Variants in UNC13C observed in about 807,000 individuals in gnomAD.
The protein encoded by UNC13C is unc-13 homolog C.
UNC13C carries 174 observed loss-of-function variants against 245.4 expected under a neutral mutation model. The observed-to-expected ratio is 0.71, with a 90% CI of 0.63 to 0.80. The LOEUF (loss-of-function observed/expected upper bound fraction) is 0.80, where lower values mean the gene tolerates loss of function less well. Among genes scored for constraint, UNC13C ranks in the 30% least tolerant of loss-of-function variants. The pLI, the probability that UNC13C is intolerant of heterozygous loss-of-function variation, is 0.00. For missense variants in UNC13C, 2,829 were observed against 2,602.9 expected (o/e 1.09, Z -1.89); for synonymous variants, 992 against 895.1 (o/e 1.11, Z -1.93).
intron 5 of UNC13C, among the ~76,000 whole-genome samples, chr15:54,236,096 ATAT>A (rs1359480020): frequency 6.6e-6 from 1 of 152,008 alleles, no homozygotes; most frequent in Admixed American, 6.5e-5. Flanking sequence ...CATATTTTTA[ATAT>A]TATATGTGAT....
intron 19 of UNC13C, among the ~76,000 whole-genome samples, chr15:54,447,008 T>C (rs1040932803): frequency 3.9e-5 from 6 of 152,220 alleles, no homozygotes; most frequent in Non-Finnish European, 8.8e-5. Flanking sequence ...GAAGGGCTGT[T>C]GAATTTTGTC....
At chr15:53,907,433 G>C in the UNC13C span, among the ~76,000 whole-genome samples, 3 of 152,080 alleles carry the variant, frequency 2.0e-5, no homozygotes, top group Non-Finnish European at 4.4e-5. Flanking sequence ...GATCAGCACT[G>C]AGCAGACTAA....
At chr15:53,901,308 C>A in the UNC13C span, among the ~76,000 whole-genome samples, 1 of 150,968 alleles carries the variant, frequency 6.6e-6, no homozygotes, top group Non-Finnish European at 1.5e-5. Flanking sequence ...CAAGCTCCAC[C>A]TCCCGGGTTC....
chr15:53,887,720 A>AC, the UNC13C span, among the ~76,000 whole-genome samples: 1 of 150,922 alleles, frequency 6.6e-6, no homozygotes, highest in Non-Finnish European at 1.5e-5. Context: ...ACTACGCCCC[A>AC]CCCCCCGATA....
chr15:54,183,543 T>A (rs532391731), intron 4 of UNC13C, among the ~76,000 whole-genome samples: 2 of 152,012 alleles, frequency 1.3e-5, no homozygotes, highest in African/African-American at 4.8e-5. Context: ...TATTTACATG[T>A]GTAGGTTATT....
intron 13 of UNC13C, among the ~76,000 whole-genome samples, chr15:54,311,636 T>A (rs2140963807): frequency 6.6e-6 from 1 of 151,854 alleles, no homozygotes; most frequent in South Asian, 2.1e-4. Flanking sequence ...ATCTTTAAAA[T>A]TCTTGATATA....
At chr15:54,528,991 A>T (rs1895614183) in intron 25 of UNC13C, among the ~76,000 whole-genome samples, 1 of 151,464 alleles carries the variant, frequency 6.6e-6, no homozygotes, top group African/African-American at 2.5e-5. Context: ...AAAGTGAAAT[A>T]ATCAAGGATT....
chr15:54,232,651 ATG>A lies in UNC13C; in HGVS notation c.3072-2375_3072-2374del, dbSNP rs796930531. ...GTTTCTCAACCATCATCTGAATTGA[ATG>A]TGTTTCTTTACATAGCTATGAAAGT... On this transcript the variant is annotated intron_variant, in intron 4 of 32. Coordinates refer to ENST00000260323, the MANE Select transcript of UNC13C (RefSeq NM_001080534.3). 7.2e-5 allele frequency among the ~76,000 whole-genome samples: 11 copies of A among 152,298 alleles called. 1 individual carries two copies. The highest frequency in any genetic ancestry group is 2.6e-4 in the African/African-American group (11 of 41,584).
At chr15:54,425,554 A>C (rs2040742861) in intron 19 of UNC13C, among the ~76,000 whole-genome samples, 1 of 151,838 alleles carries the variant, frequency 6.6e-6, no homozygotes. Context: ...TTTCTCAATT[A>C]TTGTAGTCCC....
chr15:54,509,191 ACT>A (rs1181863973), intron 23 of UNC13C, among the ~76,000 whole-genome samples: 2 of 152,168 alleles, frequency 1.3e-5, no homozygotes, highest in Non-Finnish European at 2.9e-5. Flanking sequence ...AAAGAGTGAA[ACT>A]CTGTCTCAAA....
rs564625206 is a variant in UNC13C at position 54,444,703 on chromosome 15, AC to A, written c.4933+29638del. Among the ~76,000 whole-genome samples, 751 of 151,834 alleles carry A rather than the reference AC, an allele frequency of 4.9e-3. 6 individuals are homozygous for A. Among genetic ancestry groups the A allele is most frequent in the African/African-American group, 0.017 (703 of 41,424 alleles). Reference sequence around the variant, plus strand: ...TTCCTAATTTTTTTGTGTGTGCTCTACCAGTGGGTTTTATCCTTTTGTGCAT... The same window carrying A: ...TTCCTAATTTTTTTGTGTGTGCTCTACAGTGGGTTTTATCCTTTTGTGCAT... On this transcript the variant is annotated intron_variant, in intron 19 of 32. Coordinates refer to ENST00000260323, the MANE Select transcript of UNC13C (RefSeq NM_001080534.3).
chr15:53,906,460 A>G, the UNC13C span, among the ~76,000 whole-genome samples: 1 of 152,206 alleles, frequency 6.6e-6, no homozygotes, highest in Non-Finnish European at 1.5e-5. Context: ...CAATATGTGC[A>G]TAGGTAGCAT....
chr15:54,520,663 A>G (rs1895175508), intron 24 of UNC13C, among the ~76,000 whole-genome samples: 1 of 152,204 alleles, frequency 6.6e-6, no homozygotes, highest in South Asian at 2.1e-4. Flanking sequence ...GACAAATCAC[A>G]GGCAGTTAGA....
intron 4 of UNC13C, among the ~76,000 whole-genome samples, chr15:54,158,570 C>T (rs1411080310): frequency 2.0e-5 from 3 of 152,196 alleles, no homozygotes; most frequent in Non-Finnish European, 4.4e-5. Context: ...CCACACGCCT[C>T]AGCCTCCCAA....
the UNC13C span, among the ~76,000 whole-genome samples, chr15:53,907,763 CTCTA>C: frequency 1.7e-5 from 2 of 114,498 alleles, no homozygotes; most frequent in Admixed American, 9.5e-5. Context: ...AGAGCAAGGT[CTCTA>C]TCTATCTTCA....
In UNC13C at chr15:54,435,351, G is replaced by A. The variant is rs541053904; in HGVS notation, c.4933+20284G>A. On this transcript the variant is annotated intron_variant, in intron 19 of 32. Coordinates refer to ENST00000260323, the MANE Select transcript of UNC13C (RefSeq NM_001080534.3). ...AACCCAAATCCCCATCAGATAAACT[G>A]GATAAAGAAAATGTGGCACATATAC... is the stretch of plus-strand genomic sequence containing the variant. Among the ~76,000 whole-genome samples, 5 of 151,948 alleles carry A rather than the reference G, an allele frequency of 3.3e-5. No individual in the cohort carries two copies. The East Asian group carries it at 9.7e-4, about 30-fold the overall frequency.
At chr15:54,520,562 A>T (rs571919377) in intron 24 of UNC13C, among the ~76,000 whole-genome samples, 1 of 152,256 alleles carries the variant, frequency 6.6e-6, no homozygotes. Flanking sequence ...CAAGGGGAGT[A>T]CAGAGTAAAA....
intron 24 of UNC13C, among the ~76,000 whole-genome samples, chr15:54,524,486 G>GCCC (rs1895361937): frequency 1.3e-5 from 2 of 152,270 alleles, no homozygotes; most frequent in South Asian, 2.1e-4. Context: ...TGCAATATTT[G>GCCC]ATTTTCATTC....
chr15:54,137,786 T>C (rs1246530698), intron 2 of UNC13C, among the ~76,000 whole-genome samples: 1 of 152,192 alleles, frequency 6.6e-6, no homozygotes, highest in Non-Finnish European at 1.5e-5. Context: ...TAGTTTCATC[T>C]ATCTTTTCCA....
Sources: allele counts gnomAD v4.1 joint callset (sites outside exome capture counted in the v4.1 genomes callset), GRCh38; gene constraint gnomAD v4.1.1; transcripts MANE v1.5; gene names NCBI Gene and HGNC (gene_info 2026-07-23, HGNC 2026-07-21).